The following FAM3B variants were observed in gnomAD, a reference collection of about 807,000 sequenced individuals.
FAM3B encodes protein FAM3B.
A neutral mutation model predicts 28.4 loss-of-function variants in FAM3B; 29 were observed. That is an observed-to-expected ratio of 1.02 (90% CI 0.76 to 1.39). The LOEUF (loss-of-function observed/expected upper bound fraction) is 1.39. Among genes scored for constraint, FAM3B ranks in the 40% most tolerant of loss-of-function variants. The pLI, the probability that FAM3B is intolerant of heterozygous loss-of-function variation, is 0.00. For synonymous variants in FAM3B, 91 were observed against 103.0 expected (o/e 0.88, Z 0.71); for missense variants, 266 against 293.9 (o/e 0.91, Z 0.69).
At chr21:41,315,051 A>G (rs905456327), upstream of FAM3B, among the ~76,000 whole-genome samples, 6 of 152,300 alleles carry the variant, frequency 3.9e-5, no homozygotes, top group Non-Finnish European at 7.3e-5. Flanking sequence ...CCGCGGATGG[A>G]TGAATGAATA....
upstream of FAM3B, among the ~76,000 whole-genome samples, chr21:41,314,007 A>G (rs1333278932): frequency 6.6e-6 from 1 of 152,204 alleles, no homozygotes; most frequent in Non-Finnish European, 1.5e-5. Flanking sequence ...CAAAACAAAA[A>G]CAAAAACAAA....
At chr21:41,342,024 C>T (rs2089011188) in intron 3 of FAM3B, among the ~76,000 whole-genome samples, 1 of 152,204 alleles carries the variant, frequency 6.6e-6, no homozygotes, top group Non-Finnish European at 1.5e-5. Flanking sequence ...CACCTTCATA[C>T]CTGAAAAATA....
chr21:41,322,580 T>G, intron 1 of FAM3B: 3 of 717,044 alleles, frequency 4.2e-6, no homozygotes. Context: ...GCGCTTTTGT[T>G]TTTTCAGGTT....
intron 2 of FAM3B, among the ~76,000 whole-genome samples, chr21:41,332,894 T>C (rs954400989): frequency 3.4e-4 from 52 of 152,138 alleles, no homozygotes; most frequent in African/African-American, 1.2e-3. Flanking sequence ...AGTCTGTTTT[T>C]TTGGCCTTTT....
Position 41,311,251 on chromosome 21 carries a change from AATATATATATATATATATATATAT to A in FAM3B, n.99+6964_99+6987del, listed in dbSNP as rs1168140562. ...CCTGTCTCTACAAAAAAAAAAAAAAAATATATATATATATATATATATATATATATATATATATATATATATGTA... is the reference window on the plus strand; with the variant it reads ...CCTGTCTCTACAAAAAAAAAAAAAAAATATATATATATATATATATATGTA... On this transcript the variant is annotated intron_variant and non_coding_transcript_variant, in intron 1 of 9. Coordinates refer to the FAM3B transcript ENST00000479810. 5.4e-4 allele frequency among the ~76,000 whole-genome samples: 19 copies of A among 35,080 alleles called. 1 individual carries two copies. The highest frequency in any genetic ancestry group is 1.4e-3 in the African/African-American group (12 of 8,346). The allele number at this position is 35,080 out of a possible 152,430, so 23.0% of individuals were successfully genotyped here. A position where few individuals can be genotyped will look rare whatever the true frequency, so the allele number is the denominator to read the frequency against.
intron 1 of FAM3B, among the ~76,000 whole-genome samples, chr21:41,310,011 A>G (rs2088701009): frequency 6.6e-6 from 1 of 152,206 alleles, no homozygotes; most frequent in South Asian, 2.1e-4. Flanking sequence ...CAGAGTTCAC[A>G]GGTCTCTGGG....
At chr21:41,330,147 A>AC (rs941403422) in intron 2 of FAM3B, among the ~76,000 whole-genome samples, 5 of 151,784 alleles carry the variant, frequency 3.3e-5, no homozygotes, top group Admixed American at 1.3e-4. Context: ...AAAAAAAAAA[A>AC]AAAACATAAT....
chr21:41,333,161 T>C (rs145419435), intron 2 of FAM3B, among the ~76,000 whole-genome samples: 22 of 152,132 alleles, frequency 1.4e-4, no homozygotes, highest in Non-Finnish European at 2.2e-4. Context: ...AGATAGTTTT[T>C]AATCTCCCTT....
chr21:41,357,102 AC>A lies in FAM3B; in HGVS notation c.619-5del. On this transcript the variant is annotated splice_polypyrimidine_tract_variant and splice_region_variant and intron_variant, in intron 7 of 7. Transcript: ENST00000357985. ...AATAAATAAAACTCTTCTTTTCTCT[AC>A]ACAGATCAACCACTCTGATGCTAAG... 6 of 1,607,318 alleles carry A rather than the reference AC, an allele frequency of 3.7e-6. No individual in the cohort carries two copies. The highest frequency in any genetic ancestry group is 5.1e-6 in the Non-Finnish European group (6 of 1,175,718).
intron 1 of FAM3B, among the ~76,000 whole-genome samples, chr21:41,307,494 T>C (rs1372287542): frequency 6.6e-6 from 1 of 152,244 alleles, no homozygotes; most frequent in Non-Finnish European, 1.5e-5. Flanking sequence ...CTTAGCTAAC[T>C]GTTTGGCACA....
At chr21:41,349,801 C>A (rs2089099414) in intron 7 of FAM3B, among the ~76,000 whole-genome samples, 1 of 151,858 alleles carries the variant, frequency 6.6e-6, no homozygotes, top group Admixed American at 6.6e-5. Context: ...TTCCGGAGGC[C>A]CGGAAACCAT....
At chr21:41,318,808 G>A (rs904083175) in intron 1 of FAM3B, among the ~76,000 whole-genome samples, 2 of 152,202 alleles carry the variant, frequency 1.3e-5, no homozygotes, top group African/African-American at 4.8e-5. Flanking sequence ...TGGACTGGAG[G>A]GAGGGAGAGA....
At chr21:41,355,004 G>A (rs762070349) in intron 7 of FAM3B, among the ~76,000 whole-genome samples, 20 of 152,062 alleles carry the variant, frequency 1.3e-4, no homozygotes, top group Non-Finnish European at 2.2e-4. Flanking sequence ...TTTAAAAATG[G>A]ACAAAGTTGT....
At chr21:41,322,728 A>G in intron 1 of FAM3B, 195 bp from the exon 2 acceptor site, 3 of 758,296 alleles carry the variant, frequency 4.0e-6, no homozygotes, top group East Asian at 2.7e-5. Flanking sequence ...TCTTGTTTGT[A>G]TTCTCTGATA....
At chr21:41,316,962 C>G (rs897231440) in intron 1 of FAM3B, 64 bp downstream of exon 1, 3 of 1,245,526 alleles carry the variant, frequency 2.4e-6, no homozygotes, top group African/African-American at 3.1e-5. Flanking sequence ...GGGGAAGCGT[C>G]GCTCCCCAAC....
At chr21:41,305,273 GC>G (rs2088677628) in intron 1 of FAM3B, among the ~76,000 whole-genome samples, 1 of 152,130 alleles carries the variant, frequency 6.6e-6, no homozygotes, top group South Asian at 2.1e-4. Context: ...TAGGCGATAT[GC>G]CCTTGGCTTG....
chr21:41,351,670 C>A (rs1307929483), intron 7 of FAM3B, among the ~76,000 whole-genome samples: 1 of 152,170 alleles, frequency 6.6e-6, no homozygotes, highest in Admixed American at 6.5e-5. Flanking sequence ...TCAGGGGTCT[C>A]CCCAGCCCCA....
chr21:41,323,151 TG>T (rs1411515534), intron 2 of FAM3B, 85 bp downstream of exon 2: 8 of 1,551,454 alleles, frequency 5.2e-6, no homozygotes, highest in South Asian at 1.2e-5. Flanking sequence ...AGCTGGAGGC[TG>T]GGGGGCCCTG....
chr21:41,311,498 T>A (rs1038149214), intron 1 of FAM3B, among the ~76,000 whole-genome samples: 5 of 151,322 alleles, frequency 3.3e-5, no homozygotes, highest in African/African-American at 7.3e-5. Context: ...TTTTAATATA[T>A]TAATTCACTT....
Sources: gnomAD v4.1 joint callset for allele counts (sites outside exome capture counted in the v4.1 genomes callset) on GRCh38, gnomAD v4.1.1 for gene constraint, MANE v1.5 for transcripts, NCBI Gene and HGNC (gene_info 2026-07-23, HGNC 2026-07-21) for gene names.